The following SMYD3 variants were observed in gnomAD, a reference collection of about 807,000 sequenced individuals.
SMYD3 encodes the protein histone-lysine N-methyltransferase SMYD3.
A neutral mutation model predicts 57.7 loss-of-function variants in SMYD3; 36 were observed. The ratio of observed to expected loss-of-function variants is 0.62; its 90% CI spans 0.48 to 0.82. The LOEUF (loss-of-function observed/expected upper bound fraction) is 0.82. Ranked by LOEUF, SMYD3 falls within the 40% of genes least tolerant of loss-of-function variation. The pLI, the probability that SMYD3 is intolerant of heterozygous loss-of-function variation, is 0.00. For synonymous variants in SMYD3, 211 were observed against 195.0 expected (o/e 1.08, Z -0.68); for missense variants, 515 against 538.8 (o/e 0.96, Z 0.44).
chr1:245,863,022 T>C (rs987972914), intron 9 of SMYD3, among the ~76,000 whole-genome samples: 7 of 152,176 alleles, frequency 4.6e-5, no homozygotes, highest in African/African-American at 1.7e-4. Context: ...CGTCAGCAAA[T>C]TGGAAACCTC....
chr1:245,954,060 G>A (rs770638791), intron 5 of SMYD3, among the ~76,000 whole-genome samples: 2 of 152,270 alleles, frequency 1.3e-5, no homozygotes. Context: ...AAACTAACAC[G>A]AAGTGTATCA....
At chr1:245,816,293 G>A (rs111738826) in intron 10 of SMYD3, among the ~76,000 whole-genome samples, 9 of 152,078 alleles carry the variant, frequency 5.9e-5, no homozygotes, top group African/African-American at 1.7e-4. Context: ...GAGTACTCCC[G>A]GGGTGGCTAG....
chr1:245,807,308 T>C (rs1328588547), intron 10 of SMYD3, among the ~76,000 whole-genome samples: 2 of 151,976 alleles, frequency 1.3e-5, no homozygotes, highest in African/African-American at 4.8e-5. Context: ...AGAAATTGCT[T>C]ATGATTACAG....
intron 1 of SMYD3, among the ~76,000 whole-genome samples, chr1:246,356,052 C>G (rs1381572168): frequency 1.3e-5 from 2 of 152,258 alleles, no homozygotes; most frequent in Non-Finnish European, 2.9e-5. Context: ...GCACACTAAA[C>G]AAAAATACAA....
chr1:246,260,017 G>A (rs1274273051), intron 5 of SMYD3, among the ~76,000 whole-genome samples: 2 of 152,192 alleles, frequency 1.3e-5, no homozygotes, highest in Non-Finnish European at 2.9e-5. Flanking sequence ...GGGGTAGGGT[G>A]ACTCGAACTG....
chr1:245,822,316 A>G (rs1368748829), intron 10 of SMYD3, among the ~76,000 whole-genome samples: 3 of 147,090 alleles, frequency 2.0e-5, no homozygotes, highest in Admixed American at 6.9e-5. Flanking sequence ...CAAACACCGC[A>G]TATTCTCACT....
chr1:245,791,598 G>A (rs1195757052), intron 10 of SMYD3, among the ~76,000 whole-genome samples: 1 of 138,830 alleles, frequency 7.2e-6, no homozygotes, highest in African/African-American at 2.6e-5. Flanking sequence ...GGAATGGGGG[G>A]AGAGGACGGG....
intron 10 of SMYD3, among the ~76,000 whole-genome samples, chr1:245,790,967 T>C (rs772235625): frequency 1.3e-5 from 2 of 152,240 alleles, no homozygotes; most frequent in Non-Finnish European, 2.9e-5. Flanking sequence ...AGGTAGGTGA[T>C]ACAAATGACC....
At chr1:246,261,469 T>C (rs546299436) in intron 5 of SMYD3, among the ~76,000 whole-genome samples, 2 of 152,154 alleles carry the variant, frequency 1.3e-5, no homozygotes, top group South Asian at 2.1e-4. Flanking sequence ...TAATCGTTTA[T>C]TATATTTACA....
At chr1:245,942,506 C>T (rs772270758) in intron 5 of SMYD3, among the ~76,000 whole-genome samples, 1 of 152,192 alleles carries the variant, frequency 6.6e-6, no homozygotes, top group Non-Finnish European at 1.5e-5. Context: ...TACAAAGAGA[C>T]TTAGACTCCC....
chr1:246,217,618 A>G (rs761678768), intron 5 of SMYD3, among the ~76,000 whole-genome samples: 2 of 152,190 alleles, frequency 1.3e-5, no homozygotes, highest in Non-Finnish European at 2.9e-5. Context: ...AAGAGTTTCT[A>G]ATTTGGTATT....
chr1:246,476,222 C>T (rs963379876), intron 1 of SMYD3, among the ~76,000 whole-genome samples: 7 of 152,154 alleles, frequency 4.6e-5, no homozygotes, highest in Non-Finnish European at 7.3e-5. Flanking sequence ...ACATTGCAAA[C>T]GTACCATCAT....
chr1:246,068,285 CAA>C (rs71726233), intron 5 of SMYD3, among the ~76,000 whole-genome samples: 1,229 of 114,468 alleles, frequency 0.011, 9 homozygotes, highest in South Asian at 0.046. Flanking sequence ...TACAGGTCAG[CAA>C]AAAAAAAAAA....
At chr1:246,226,648 A>G (rs2063335043) in intron 5 of SMYD3, among the ~76,000 whole-genome samples, 1 of 152,224 alleles carries the variant, frequency 6.6e-6, no homozygotes, top group African/African-American at 2.4e-5. Context: ...TCCTTCAAAT[A>G]TGGGTTAGAG....
intron 5 of SMYD3, among the ~76,000 whole-genome samples, chr1:246,194,473 C>T (rs981146398): frequency 3.2e-4 from 49 of 151,972 alleles, no homozygotes; most frequent in African/African-American, 1.2e-3. Context: ...TTCACTATAT[C>T]GGCCAGGCTG....
intron 1 of SMYD3, among the ~76,000 whole-genome samples, chr1:246,438,756 G>T (rs902919509): frequency 6.6e-6 from 1 of 151,412 alleles, no homozygotes; most frequent in African/African-American, 2.4e-5. Context: ...GGATGGTTTT[G>T]GGATGAAACC....
intron 1 of SMYD3, among the ~76,000 whole-genome samples, chr1:246,472,196 C>G (rs1366187966): frequency 2.6e-5 from 4 of 152,090 alleles, no homozygotes; most frequent in Non-Finnish European, 4.4e-5. Flanking sequence ...CCGCCTAGCA[C>G]CCATACAGAA....
rs559088835 is a variant in SMYD3, at chr1:245,797,828, C to CAAAAA, written c.1077-33684_1077-33680dup. Among the ~76,000 whole-genome samples the CAAAAA allele has an allele frequency of 2.0e-3, 215 of 109,420 alleles. 11 individuals carry two copies. The highest frequency in any genetic ancestry group is 4.9e-3 in the African/African-American group (128 of 26,252). The allele number at this position is 109,420 out of a possible 152,430, so 71.8% of individuals were successfully genotyped here. A position where few individuals can be genotyped will look rare whatever the true frequency, so the allele number is the denominator to read the frequency against. ...TGTCCTCTCAATTGCTTCCGGGTTC[C>CAAAAA]AAAAAAAAAAAAAAAAAAAAGGTGG... On this transcript the variant is annotated intron_variant, in intron 10 of 11. Coordinates refer to ENST00000490107, the MANE Select transcript of SMYD3 (RefSeq NM_001167740.2).
chr1:246,408,569 A>G (rs57366626), intron 1 of SMYD3, among the ~76,000 whole-genome samples: 8 of 151,840 alleles, frequency 5.3e-5, no homozygotes, highest in African/African-American at 1.9e-4. Flanking sequence ...ATAAGTAATG[A>G]GAATTACTGA....
Sources: gnomAD v4.1 joint callset for allele counts (sites outside exome capture counted in the v4.1 genomes callset) on GRCh38, gnomAD v4.1.1 for gene constraint, MANE v1.5 for transcripts, NCBI Gene and HGNC (gene_info 2026-07-23, HGNC 2026-07-21) for gene names.